PRKN: variants seen among roughly 807,000 people sequenced by gnomAD.
The protein encoded by PRKN is parkin RBR E3 ubiquitin protein ligase, also known as E3 ubiquitin-protein ligase parkin.
Under a neutral mutation model 59.5 loss-of-function variants are expected in PRKN, and 56 were observed. That is an observed-to-expected ratio of 0.94 (90% confidence interval 0.76 to 1.18). PRKN has a LOEUF of 1.18. PRKN is among the 50% of genes most tolerant of loss of function. PRKN has a pLI of 0.00. For synonymous variants in PRKN, 250 were observed against 222.1 expected, an observed-to-expected ratio of 1.13 and a Z score of -1.12; for missense variants, 657 against 596.4, an observed-to-expected ratio of 1.10 and a Z score of -1.06.
At chr6:161,869,660 C>T (rs558568462) in intron 6 of PRKN, among the ~76,000 whole-genome samples, 1 of 152,160 alleles carries the variant, frequency 6.6e-6, no homozygotes, top group African/African-American at 2.4e-5. Flanking sequence ...CACAAACATG[C>T]TGTCCTTGAC....
chr6:161,665,723 T>G (rs986206869), intron 7 of PRKN, among the ~76,000 whole-genome samples: 2 of 152,180 alleles, frequency 1.3e-5, no homozygotes, highest in Non-Finnish European at 2.9e-5. Flanking sequence ...AGTAGTGATT[T>G]TTAAACTCAA....
chr6:162,643,138 C>T (rs1778026833), intron 1 of PRKN, among the ~76,000 whole-genome samples: 1 of 152,076 alleles, frequency 6.6e-6, no homozygotes, highest in South Asian at 2.1e-4. Context: ...TGGCTGGCGC[C>T]TGTAATCCCA....
In PRKN at chr6:162,450,583, T is replaced by C. The variant is rs73783585; in HGVS notation, c.8-7110A>G. Reference sequence around the variant, plus strand: ...TTACCCTTGACACAGTGTGATGCAATGGGCAATTTATCTCTGTGGGCTTTC... The same window carrying C: ...TTACCCTTGACACAGTGTGATGCAACGGGCAATTTATCTCTGTGGGCTTTC... On this transcript the variant is annotated intron_variant, in intron 1 of 11. Coordinates refer to ENST00000366898, the MANE Select transcript of PRKN (RefSeq NM_004562.3). Among the ~76,000 whole-genome samples the C allele has an allele frequency of 8.5e-3, 1,297 of 152,268 alleles. 21 individuals are homozygous for C. Among genetic ancestry groups the C allele is most frequent in the African/African-American group, 0.025 (1,019 of 41,550 alleles).
Position 161,461,221 on chromosome 6 carries a change from T to C in PRKN, c.1084-74344A>G, listed in dbSNP as rs1790200296. On this transcript the variant is annotated intron_variant, in intron 9 of 11. Coordinates refer to ENST00000366898, the MANE Select transcript of PRKN (RefSeq NM_004562.3). The surrounding 1 kb of genome is among the most constrained non-coding windows in gnomAD (Gnocchi z 5.1). ...GAGGAAGCAGCGGCCTGTGCAAAGG[T>C]CTGGAGGTCTGAAAAGTACTCAGTG... 1.3e-5 allele frequency among the ~76,000 whole-genome samples: 2 copies of C among 152,116 alleles called. No individual in the cohort carries two copies. Among genetic ancestry groups the C allele is most frequent in the African/African-American group, 2.4e-5 (1 of 41,414 alleles).
intron 6 of PRKN, among the ~76,000 whole-genome samples, chr6:161,832,421 C>A (rs539619651): frequency 6.6e-5 from 10 of 151,826 alleles, no homozygotes; most frequent in Non-Finnish European, 1.5e-4. Flanking sequence ...GTCAGGAGAT[C>A]GAGACCATCC....
intron 1 of PRKN, among the ~76,000 whole-genome samples, chr6:162,448,756 C>T (rs1371311396): frequency 6.6e-6 from 1 of 152,094 alleles, no homozygotes; most frequent in Non-Finnish European, 1.5e-5. Flanking sequence ...CATCAACTCC[C>T]AAATCCTTAT....
chr6:161,980,772 G>T (rs1250577285), intron 5 of PRKN, among the ~76,000 whole-genome samples: 4 of 152,260 alleles, frequency 2.6e-5, no homozygotes, highest in African/African-American at 9.6e-5. Flanking sequence ...AGCAGAGAGG[G>T]GGAAAAGGTG....
rs540430837 is a variant in PRKN at position 161,427,239 on chromosome 6, T to C, written c.1084-40362A>G. Among the ~76,000 whole-genome samples, 3 of 152,276 alleles carry C rather than the reference T, an allele frequency of 2.0e-5. No homozygotes were observed. The South Asian group carries it at 6.2e-4, about 32-fold the overall frequency. On this transcript the variant is annotated intron_variant, in intron 9 of 11. Transcript: ENST00000366898. Reference sequence around the variant, plus strand: ...TTTGCCATGTTGCTCAGGCTGGTCTTGAACTCTTGGACTCAAGCCTTGGCC... The same window carrying C: ...TTTGCCATGTTGCTCAGGCTGGTCTCGAACTCTTGGACTCAAGCCTTGGCC...
intron 6 of PRKN, among the ~76,000 whole-genome samples, chr6:161,932,061 A>G (rs1779186083): frequency 1.3e-5 from 2 of 152,146 alleles, no homozygotes; most frequent in Admixed American, 1.3e-4. Context: ...TTAATGCTAA[A>G]GTTCACAGAA....
chr6:162,011,153 T>TATATAATATATATTTATAAA (rs1782640367), intron 5 of PRKN, among the ~76,000 whole-genome samples: 1 of 46,752 alleles, frequency 2.1e-5, no homozygotes, highest in African/African-American at 1.1e-4. Flanking sequence ...TATATTATAA[T>TATATAATATATATTTATAAA]ATATACTATA....
chr6:161,792,778 C>G (rs987162549), intron 6 of PRKN, among the ~76,000 whole-genome samples: 1 of 152,130 alleles, frequency 6.6e-6, no homozygotes, highest in Non-Finnish European at 1.5e-5. Flanking sequence ...GACTCCTGGG[C>G]ATTTAACACA....
intron 1 of PRKN, among the ~76,000 whole-genome samples, chr6:162,463,864 G>C (rs1266515720): frequency 6.6e-6 from 1 of 152,174 alleles, no homozygotes; most frequent in Non-Finnish European, 1.5e-5. Context: ...CACAGTTCCT[G>C]ACACTGTCTA....
Position 162,299,326 on chromosome 6 carries a change from A to G in PRKN, c.172-36561T>C, listed in dbSNP as rs995323234. On this transcript the variant is annotated intron_variant, in intron 2 of 11. Transcript: ENST00000366898. ...CTGAATAGAGGAGACTTCCAATCTG[A>G]AACGCTTGAGTGTCTCTCCCGGTGG... Among the ~76,000 whole-genome samples the G allele has an allele frequency of 6.6e-5, 10 of 152,212 alleles. No homozygotes were observed. In the East Asian group the frequency reaches 1.7e-3, roughly 27 times the overall value.
At chr6:161,948,784 C>T (rs976888632) in intron 6 of PRKN, among the ~76,000 whole-genome samples, 12 of 152,162 alleles carry the variant, frequency 7.9e-5, no homozygotes, top group South Asian at 2.1e-4. Context: ...GACACAGAGC[C>T]GTGTCAGTAA....
intron 2 of PRKN, among the ~76,000 whole-genome samples, chr6:162,337,923 CATT>C: frequency 6.6e-6 from 1 of 152,128 alleles, no homozygotes; most frequent in Non-Finnish European, 1.5e-5. Context: ...CATAAAAATA[CATT>C]ATTAATGTTA....
chr6:162,542,653 T>C (rs566699307), intron 1 of PRKN, among the ~76,000 whole-genome samples: 1 of 152,232 alleles, frequency 6.6e-6, no homozygotes, highest in African/African-American at 2.4e-5. Context: ...CCCCCAAACC[T>C]TCATTCATAG....
intron 7 of PRKN, among the ~76,000 whole-genome samples, chr6:161,739,176 G>A (rs997867084): frequency 6.6e-6 from 1 of 152,156 alleles, no homozygotes; most frequent in African/African-American, 2.4e-5. Context: ...GGGAGGCCAA[G>A]GTGGGAGGAT....
chr6:161,824,639 T>C (rs1033440382), intron 6 of PRKN, among the ~76,000 whole-genome samples: 1 of 152,176 alleles, frequency 6.6e-6, no homozygotes, highest in African/African-American at 2.4e-5. Context: ...CCTAACAAAA[T>C]GCCTGCAGAA....
chr6:161,751,867 A>C (rs936291378), intron 7 of PRKN, among the ~76,000 whole-genome samples: 21 of 152,232 alleles, frequency 1.4e-4, no homozygotes, highest in African/African-American at 4.1e-4. Context: ...AGAAGGAGCT[A>C]TGCACACAGC....
Sources: gnomAD v4.1 joint callset for allele counts (sites outside exome capture counted in the v4.1 genomes callset) on GRCh38, gnomAD v4.1.1 for gene constraint, Gnocchi (gnomAD v3.1) non-coding constraint, MANE v1.5 for transcripts, NCBI Gene and HGNC (gene_info 2026-07-23, HGNC 2026-07-21) for gene names.